The following LHFPL4 variants were observed in gnomAD, a reference collection of about 807,000 sequenced individuals.
LHFPL4 encodes LHFPL tetraspan subfamily member 4.
In LHFPL4, 6 loss-of-function variants were observed where a neutral mutation model predicts 20.0. The ratio of observed to expected loss-of-function variants is 0.30; its 90% CI spans 0.16 to 0.59. The LOEUF (loss-of-function observed/expected upper bound fraction) is 0.59. LHFPL4 is among the 20% of genes least tolerant of loss of function. The pLI is 0.88. For missense variants in LHFPL4, 215 were observed against 331.2 expected (o/e 0.65, Z 2.72); for synonymous variants, 129 against 143.8 (o/e 0.90, Z 0.74).
intron 2 of LHFPL4, among the ~76,000 whole-genome samples, chr3:9,517,846 A>G (rs2046314215): frequency 7.1e-6 from 1 of 140,928 alleles, no homozygotes; most frequent in Admixed American, 7.6e-5. Flanking sequence ...GATTTTCTAC[A>G]TAGATGATCA....
Position 9,500,442 on chromosome 3 carries a change from G to T in LHFPL4, c.*1769C>A, listed in dbSNP as rs2046163463. 6.6e-6 allele frequency: 1 copy of T among 152,466 alleles called. No individual in the cohort carries two copies. Among genetic ancestry groups the T allele is most frequent in the Non-Finnish European group, 1.5e-5 (1 of 68,228 alleles). 9.4% of individuals were successfully genotyped at this position (152,466 alleles called of 1,614,324 possible). On this transcript the variant is annotated 3_prime_UTR_variant, in exon 4 of 4. Coordinates refer to ENST00000287585, the MANE Select transcript of LHFPL4 (RefSeq NM_198560.3). The stretch of plus-strand genomic sequence containing the variant: ...GCCCGGGAGGAGTAAGTGGAGGAGT[G>T]AAGTCGGGACTTGGTAAGTTCCAGG...
At chr3:9,546,313 T>TG (rs1410475350) in intron 2 of LHFPL4, among the ~76,000 whole-genome samples, 44 of 94,692 alleles carry the variant, frequency 4.6e-4, no homozygotes, top group South Asian at 2.8e-3. Flanking sequence ...AGACTCGGTC[T>TG]GAAAAAAAAA....
chr3:9,551,213 T>C (rs1331234037), intron 2 of LHFPL4, among the ~76,000 whole-genome samples: 2 of 152,188 alleles, frequency 1.3e-5, no homozygotes, highest in Admixed American at 6.5e-5. Context: ...TGGCAGTCAC[T>C]TGTTGAATGT....
At chr3:9,502,734 G>C (rs930580548) in intron 3 of LHFPL4, among the ~76,000 whole-genome samples, 1 of 151,814 alleles carries the variant, frequency 6.6e-6, no homozygotes, top group Non-Finnish European at 1.5e-5. Flanking sequence ...AGGGGCAGAG[G>C]GGCAGACTGC....
At chr3:9,531,072 T>C (rs986615463) in intron 2 of LHFPL4, among the ~76,000 whole-genome samples, 9 of 152,116 alleles carry the variant, frequency 5.9e-5, no homozygotes, top group African/African-American at 1.9e-4. Flanking sequence ...GGTGTAGCAA[T>C]CAAAATACGC....
intron 2 of LHFPL4, among the ~76,000 whole-genome samples, chr3:9,539,830 A>G (rs2046466647): frequency 1.3e-5 from 2 of 152,040 alleles, no homozygotes; most frequent in African/African-American, 4.8e-5. Flanking sequence ...TATATATATA[A>G]TATAACAATT....
intron 2 of LHFPL4, among the ~76,000 whole-genome samples, chr3:9,523,394 GAA>G (rs564094075): frequency 3.1e-5 from 2 of 64,410 alleles, no homozygotes; most frequent in African/African-American, 9.2e-5. Flanking sequence ...AAAAGAAAAA[GAA>G]AAAAAAAAAG....
At chr3:9,516,097 TTTTAAC>T (rs2046299313) in intron 2 of LHFPL4, among the ~76,000 whole-genome samples, 1 of 152,186 alleles carries the variant, frequency 6.6e-6, no homozygotes, top group African/African-American at 2.4e-5. Flanking sequence ...CAGCAGAACT[TTTTAAC>T]TTTAATGAAG....
At chr3:9,510,709 G>A (rs552383165) in intron 2 of LHFPL4, among the ~76,000 whole-genome samples, 9 of 152,050 alleles carry the variant, frequency 5.9e-5, no homozygotes, top group African/African-American at 1.4e-4. Flanking sequence ...AGGCCAAGAC[G>A]AGTGGATCAC....
intron 2 of LHFPL4, among the ~76,000 whole-genome samples, chr3:9,515,093 T>C (rs1051538569): frequency 2.6e-5 from 4 of 152,344 alleles, no homozygotes; most frequent in Admixed American, 1.3e-4. Context: ...GCCTTCCAAA[T>C]GACTATAGCA....
rs1176199944 is a variant in LHFPL4 at position 9,502,168 on chromosome 3, C to A, written c.*43G>T. ...AGTGACGAGAGGGCAGAAGGCAGGA[C>A]AAGCTGAGGTCAGGCCAATTACTGG... On this transcript the variant is annotated 3_prime_UTR_variant, in exon 4 of 4. Coordinates refer to ENST00000287585, the MANE Select transcript of LHFPL4 (RefSeq NM_198560.3). 2 of 1,418,242 alleles carry A rather than the reference C, an allele frequency of 1.4e-6. No homozygotes were observed. Among genetic ancestry groups the A allele is most frequent in the African/African-American group, 1.4e-5 (1 of 71,020 alleles). 87.9% of individuals were successfully genotyped at this position (1,418,242 alleles called of 1,614,324 possible).
At chr3:9,519,842 C>A (rs934172015) in intron 2 of LHFPL4, among the ~76,000 whole-genome samples, 1 of 151,758 alleles carries the variant, frequency 6.6e-6, no homozygotes, top group South Asian at 2.1e-4. Flanking sequence ...TATTTCTTTG[C>A]AGAGAAGGGC....
At chr3:9,546,704 G>C (rs1235109700) in intron 2 of LHFPL4, among the ~76,000 whole-genome samples, 1 of 152,146 alleles carries the variant, frequency 6.6e-6, no homozygotes, top group Non-Finnish European at 1.5e-5. Context: ...GCCTTCTTAA[G>C]CCCTTTGGTC....
chr3:9,522,548 T>C (rs1184713748), intron 2 of LHFPL4, among the ~76,000 whole-genome samples: 2 of 149,864 alleles, frequency 1.3e-5, no homozygotes, highest in Non-Finnish European at 3.0e-5. Context: ...GAGACCAGGC[T>C]GGCCAACATG....
intron 2 of LHFPL4, among the ~76,000 whole-genome samples, chr3:9,533,385 G>A (rs1000284813): frequency 6.6e-6 from 1 of 152,176 alleles, no homozygotes; most frequent in South Asian, 2.1e-4. Flanking sequence ...CAGTGAAGAC[G>A]GACAAACTGT....
At chr3:9,549,670 C>T (rs2046540410) in intron 2 of LHFPL4, among the ~76,000 whole-genome samples, 1 of 152,162 alleles carries the variant, frequency 6.6e-6, no homozygotes, top group African/African-American at 2.4e-5. Flanking sequence ...GCACTCCAGC[C>T]TGGGCAACAA....
chr3:9,509,466 A>G (rs749099622), intron 2 of LHFPL4, among the ~76,000 whole-genome samples: 2 of 152,020 alleles, frequency 1.3e-5, no homozygotes, highest in Non-Finnish European at 2.9e-5. Context: ...CTGCATGCCC[A>G]CTATGTGCCA....
chr3:9,538,639 T>C (rs1380614018), intron 2 of LHFPL4, among the ~76,000 whole-genome samples: 2 of 152,052 alleles, frequency 1.3e-5, no homozygotes, highest in East Asian at 3.8e-4. Context: ...AGAAATCAGG[T>C]AATATTCCTG....
At chr3:9,522,538 G>A (rs1182184173) in intron 2 of LHFPL4, among the ~76,000 whole-genome samples, 3 of 150,740 alleles carry the variant, frequency 2.0e-5, no homozygotes, top group South Asian at 2.1e-4. Flanking sequence ...TCAGGAGTTC[G>A]AGACCAGGCT....
Sources: allele counts gnomAD v4.1 joint callset (sites outside exome capture counted in the v4.1 genomes callset), GRCh38; gene constraint gnomAD v4.1.1; transcripts MANE v1.5; gene names NCBI Gene and HGNC (gene_info 2026-07-23, HGNC 2026-07-21).